ROBO2: variants seen among roughly 807,000 people sequenced by gnomAD.
The protein encoded by ROBO2 is roundabout homolog 2.
In ROBO2, 53 loss-of-function variants were observed where a neutral mutation model predicts 160.8. The ratio of observed to expected loss-of-function variants is 0.33; its 90% confidence interval spans 0.26 to 0.41. The LOEUF is 0.41. Among genes scored for constraint, ROBO2 ranks in the 10% least tolerant of loss-of-function variants. ROBO2 has a pLI of 1.00. For synonymous variants in ROBO2, 664 were observed against 611.7 expected (o/e 1.09, Z -1.26); for missense variants, 1,577 against 1,722.4 (o/e 0.92, Z 1.49).
At chr3:76,023,126 A>G (rs549982031) in intron 2 of ROBO2, among the ~76,000 whole-genome samples, 3 of 151,838 alleles carry the variant, frequency 2.0e-5, no homozygotes, top group African/African-American at 7.2e-5. Context: ...CTCAGCCTGA[A>G]GAGAATTGAA....
At chr3:76,473,963 T>C (rs2078800944) in intron 2 of ROBO2, among the ~76,000 whole-genome samples, 1 of 152,134 alleles carries the variant, frequency 6.6e-6, no homozygotes, top group African/African-American at 2.4e-5. Context: ...AACCTTGTTT[T>C]TCTGTATCTA....
intron 2 of ROBO2, among the ~76,000 whole-genome samples, chr3:76,789,454 T>A (rs1334058230): frequency 1.3e-5 from 2 of 151,440 alleles, no homozygotes; most frequent in Non-Finnish European, 3.0e-5. Flanking sequence ...CAGCACAAGA[T>A]AAGGTGGCAT....
At chr3:76,531,207 G>T (rs1229231631) in intron 2 of ROBO2, among the ~76,000 whole-genome samples, 2 of 152,036 alleles carry the variant, frequency 1.3e-5, no homozygotes, top group Non-Finnish European at 2.9e-5. Flanking sequence ...TACTGTGAAT[G>T]AATTAAAGTT....
intron 2 of ROBO2, among the ~76,000 whole-genome samples, chr3:77,010,909 TCTTC>T (rs1421423901): frequency 7.6e-6 from 1 of 130,768 alleles, no homozygotes; most frequent in Non-Finnish European, 1.6e-5. Context: ...CTCCTTCCTT[TCTTC>T]CTTCCTTCCT....
intron 2 of ROBO2, among the ~76,000 whole-genome samples, chr3:76,777,430 G>A (rs767399944): frequency 6.6e-6 from 1 of 150,980 alleles, no homozygotes; most frequent in Non-Finnish European, 1.5e-5. Flanking sequence ...TAAATAAATG[G>A]CTTTAATTTT....
At chr3:75,956,048 T>C (rs1267297801) in intron 2 of ROBO2, among the ~76,000 whole-genome samples, 2 of 151,828 alleles carry the variant, frequency 1.3e-5, no homozygotes, top group African/African-American at 2.4e-5. Flanking sequence ...TCTCACATAT[T>C]CAGTGCTTTA....
chr3:77,220,148 C>T (rs2085593101), intron 2 of ROBO2, among the ~76,000 whole-genome samples: 1 of 151,954 alleles, frequency 6.6e-6, no homozygotes, highest in Non-Finnish European at 1.5e-5. Context: ...GTAGCTCGGA[C>T]TACAGGCACG....
intron 2 of ROBO2, among the ~76,000 whole-genome samples, chr3:76,493,264 G>A (rs950842020): frequency 2.0e-5 from 3 of 148,260 alleles, no homozygotes; most frequent in Non-Finnish European, 4.5e-5. Context: ...GCACTATTTT[G>A]TCTCTTTCTC....
chr3:76,856,925 A>G (rs149527475), intron 2 of ROBO2, among the ~76,000 whole-genome samples: 155 of 152,302 alleles, frequency 1.0e-3, no homozygotes, highest in African/African-American at 2.8e-3. Flanking sequence ...TCCTAGTTCT[A>G]AATACCGCAT....
chr3:76,352,779 T>C (rs1484974376), intron 2 of ROBO2, among the ~76,000 whole-genome samples: 1 of 151,976 alleles, frequency 6.6e-6, no homozygotes, highest in Non-Finnish European at 1.5e-5. Context: ...AAGTTATAAA[T>C]AAACTGTGTC....
At chr3:76,428,351 T>TA (rs2076302140) in intron 2 of ROBO2, among the ~76,000 whole-genome samples, 1 of 152,324 alleles carries the variant, frequency 6.6e-6, no homozygotes, top group South Asian at 2.1e-4. Context: ...GTATATTTTT[T>TA]ATATTGTGGA....
At chr3:76,717,246 C>A (rs2107670167) in intron 2 of ROBO2, among the ~76,000 whole-genome samples, 1 of 152,016 alleles carries the variant, frequency 6.6e-6, no homozygotes, top group Middle Eastern at 3.4e-3. Flanking sequence ...GTAATCCCTG[C>A]ACTTTGGGAG....
rs754045888 is a variant in ROBO2, at chr3:76,983,557, T to C, written c.110-114457T>C. 6.2e-4 allele frequency among the ~76,000 whole-genome samples: 94 copies of C among 152,246 alleles called. 1 individual carries two copies. Among genetic ancestry groups the C allele is most frequent in the Non-Finnish European group, 1.2e-3 (85 of 68,004 alleles). ...TTCACACCCTTTTTTCCACCCAATA[T>C]TGGAATAGGAATTTATGTTGGAAGA... is the stretch of plus-strand genomic sequence containing the variant. On this transcript the variant is annotated intron_variant, in intron 2 of 26. Transcript: ENST00000487694.
Position 76,883,134 on chromosome 3 carries a change from CT to C in ROBO2, c.110-214879del, listed in dbSNP as rs546924494. ...AAAGCATTTGTCTGACATATTATAA[CT>C]ATTTTAATTACTAAAAAATACCCAT... On this transcript the variant is annotated intron_variant, in intron 2 of 26. Coordinates refer to the ROBO2 transcript ENST00000487694. 3.7e-3 allele frequency among the ~76,000 whole-genome samples: 570 copies of C among 152,200 alleles called. 2 individuals carry two copies. Among genetic ancestry groups the C allele is most frequent in the Non-Finnish European group, 6.9e-3 (470 of 68,006 alleles).
chr3:77,103,842 T>C (rs1010059054), intron 2 of ROBO2, among the ~76,000 whole-genome samples: 1 of 152,184 alleles, frequency 6.6e-6, no homozygotes, highest in Non-Finnish European at 1.5e-5. Flanking sequence ...GACTTTAGTA[T>C]GAGAGGGCAC....
chr3:76,380,431 A>G (rs2076560133), intron 2 of ROBO2, among the ~76,000 whole-genome samples: 2 of 152,120 alleles, frequency 1.3e-5, no homozygotes, highest in Admixed American at 1.3e-4. Flanking sequence ...TTGACCCTCA[A>G]ACAACCCGAG....
intron 2 of ROBO2, among the ~76,000 whole-genome samples, chr3:76,170,055 C>T (rs2072985930): frequency 1.3e-5 from 2 of 152,192 alleles, no homozygotes; most frequent in Admixed American, 1.3e-4. Flanking sequence ...GCTGGGATTA[C>T]AGGCGTGAGC....
At chr3:76,219,261 A>T (rs1293860176) in intron 2 of ROBO2, among the ~76,000 whole-genome samples, 1 of 152,230 alleles carries the variant, frequency 6.6e-6, no homozygotes, top group Non-Finnish European at 1.5e-5. Flanking sequence ...GGACATAGGC[A>T]TGGGCAAGGA....
At chr3:76,847,747 GATA>G (rs908830699) in intron 2 of ROBO2, among the ~76,000 whole-genome samples, 3 of 151,922 alleles carry the variant, frequency 2.0e-5, no homozygotes, top group African/African-American at 7.3e-5. Flanking sequence ...TTTAAGAAGA[GATA>G]ATAAAATTAT....
Sources: gnomAD v4.1 joint callset for allele counts (sites outside exome capture counted in the v4.1 genomes callset) on GRCh38, gnomAD v4.1.1 for gene constraint, MANE v1.5 for transcripts, NCBI Gene and HGNC (gene_info 2026-07-23, HGNC 2026-07-21) for gene names.